The following CDH4 variants were observed in gnomAD, a reference collection of about 807,000 sequenced individuals.
The protein encoded by CDH4 is cadherin-4.
A neutral mutation model predicts 86.0 loss-of-function variants in CDH4; 33 were observed. The ratio of observed to expected loss-of-function variants is 0.38; its 90% CI spans 0.29 to 0.51. The LOEUF (loss-of-function observed/expected upper bound fraction) is 0.51, where lower values mean the gene tolerates loss of function less well. Ranked by LOEUF, CDH4 falls within the 20% of genes least tolerant of loss-of-function variation. CDH4 has a pLI of 0.86. For missense variants in CDH4, 1,114 were observed against 1,307.4 expected, an observed-to-expected ratio of 0.85 and a Z score of 2.28; for synonymous variants, 555 against 549.4, an observed-to-expected ratio of 1.01 and a Z score of -0.14.
rs571337256 is a variant in CDH4, at chr20:61,359,311, C to T, written c.169+104374C>T. Among the ~76,000 whole-genome samples the T allele has an allele frequency of 1.9e-3, 286 of 152,280 alleles. 1 individual carries two copies. The highest frequency in any genetic ancestry group is 6.4e-3 in the African/African-American group (268 of 41,552). ...TACGAGGTCACTCATTTGTCAGCTA[C>T]GCCGACCCCGAATTCTGTGGCCATG... On this transcript the variant is annotated intron_variant, in intron 2 of 15. Transcript: ENST00000614565.
chr20:61,756,131 A>C (rs1044439626), intron 3 of CDH4, among the ~76,000 whole-genome samples: 1 of 152,206 alleles, frequency 6.6e-6, no homozygotes, highest in Non-Finnish European at 1.5e-5. Flanking sequence ...CTAAGAGCAC[A>C]TGGAGGAGGT....
chr20:61,331,637 ACCCACC>A (rs2084577357), intron 2 of CDH4, among the ~76,000 whole-genome samples: 1 of 6,646 alleles, frequency 1.5e-4, no homozygotes, highest in Non-Finnish European at 3.1e-4. Flanking sequence ...CCTGCCCCAG[ACCCACC>A]TCCCGCCCCA....
At chr20:61,675,186 C>A (rs1009970967) in intron 2 of CDH4, among the ~76,000 whole-genome samples, 5 of 152,246 alleles carry the variant, frequency 3.3e-5, no homozygotes, top group Admixed American at 3.3e-4. Context: ...GGGTGGAGGA[C>A]AGCTCAGGGA....
chr20:61,894,628 C>A (rs895424038), intron 7 of CDH4, among the ~76,000 whole-genome samples: 1 of 152,168 alleles, frequency 6.6e-6, no homozygotes, highest in Non-Finnish European at 1.5e-5. Context: ...TGGCACCAAA[C>A]GTGATCTGCC....
At chr20:61,378,614 C>T (rs932188751) in intron 2 of CDH4, among the ~76,000 whole-genome samples, 1 of 152,186 alleles carries the variant, frequency 6.6e-6, no homozygotes, top group African/African-American at 2.4e-5. Context: ...AGGGCCCAAT[C>T]AGATAATCCA....
At chr20:61,696,315 C>T (rs1215117775) in intron 2 of CDH4, among the ~76,000 whole-genome samples, 1 of 152,188 alleles carries the variant, frequency 6.6e-6, no homozygotes, top group Non-Finnish European at 1.5e-5. Context: ...GGCCTGGGGC[C>T]CAGATGTCCA....
rs951321069 is a variant in CDH4, at chr20:61,573,022, A to T, written c.170-170541A>T. 7.5e-5 allele frequency among the ~76,000 whole-genome samples: 10 copies of T among 133,910 alleles called. No individual in the cohort carries two copies. In the East Asian group the frequency reaches 1.0e-3, roughly 14 times the overall value. 87.9% of individuals were successfully genotyped at this position (133,910 alleles called of 152,430 possible). On this transcript the variant is annotated intron_variant, in intron 2 of 15. Coordinates refer to ENST00000614565, the MANE Select transcript of CDH4 (RefSeq NM_001794.5). ...GACGGATGGATGGATTGATGGATGGATGGATGGTTGGATGGATGGATGGAT... is the reference window on the plus strand; with the variant it reads ...GACGGATGGATGGATTGATGGATGGTTGGATGGTTGGATGGATGGATGGAT...
At chr20:61,519,875 C>T (rs1247164999) in intron 2 of CDH4, among the ~76,000 whole-genome samples, 1 of 152,182 alleles carries the variant, frequency 6.6e-6, no homozygotes, top group African/African-American at 2.4e-5. Flanking sequence ...CTAGAAGGGC[C>T]TCGTCATGCC....
At chr20:61,674,314 C>T (rs374034544) in intron 2 of CDH4, among the ~76,000 whole-genome samples, 28 of 152,306 alleles carry the variant, frequency 1.8e-4, no homozygotes, top group Non-Finnish European at 3.2e-4. Flanking sequence ...GCAGGAGTCA[C>T]AGCATGTTGT....
At chr20:61,887,776 C>T (rs1984613234) in intron 7 of CDH4, among the ~76,000 whole-genome samples, 1 of 152,188 alleles carries the variant, frequency 6.6e-6, no homozygotes, top group Non-Finnish European at 1.5e-5. Flanking sequence ...TTCCTGCCGG[C>T]CCGTGTCAGT....
chr20:61,699,254 G>A lies in CDH4; in HGVS notation c.170-44309G>A, dbSNP rs534545958. ...TCACGGTGGCTGTAAATGCATTTGGGGGGATGCTGGCCAGCATGCGGCCTG... is the reference window on the plus strand; with the variant it reads ...TCACGGTGGCTGTAAATGCATTTGGAGGGATGCTGGCCAGCATGCGGCCTG... On this transcript the variant is annotated intron_variant, in intron 2 of 15. Transcript: ENST00000614565. 1.8e-3 allele frequency among the ~76,000 whole-genome samples: 269 copies of A among 152,276 alleles called. 5 individuals are homozygous for A. The highest frequency in any genetic ancestry group is 6.9e-4 in the Non-Finnish European group (47 of 68,018).
At chr20:61,287,956 G>T (rs1017115361) in intron 2 of CDH4, among the ~76,000 whole-genome samples, 4 of 152,184 alleles carry the variant, frequency 2.6e-5, no homozygotes, top group Non-Finnish European at 5.9e-5. Flanking sequence ...GCACCCCAGA[G>T]TGTGGTGGAA....
chr20:61,324,394 T>G (rs2084525990), intron 2 of CDH4, among the ~76,000 whole-genome samples: 1 of 152,234 alleles, frequency 6.6e-6, no homozygotes. Flanking sequence ...AGAACTCTGA[T>G]GTCAAAGTGT....
intron 2 of CDH4, among the ~76,000 whole-genome samples, chr20:61,401,210 A>G (rs1181788729): frequency 6.6e-6 from 1 of 152,176 alleles, no homozygotes; most frequent in Non-Finnish European, 1.5e-5. Flanking sequence ...CTTCCCATGC[A>G]ACCTGTACTT....
intron 8 of CDH4, among the ~76,000 whole-genome samples, chr20:61,908,575 G>C (rs941502165): frequency 6.6e-6 from 1 of 152,234 alleles, no homozygotes; most frequent in African/African-American, 2.4e-5. Flanking sequence ...GGACCTGCCT[G>C]TGGCAGACGC....
At chr20:61,730,142 C>T (rs2088161201) in intron 2 of CDH4, among the ~76,000 whole-genome samples, 1 of 152,100 alleles carries the variant, frequency 6.6e-6, no homozygotes. Context: ...AATAACATGT[C>T]AGTACCGACG....
At chr20:61,375,862 A>G (rs1224423970) in intron 2 of CDH4, among the ~76,000 whole-genome samples, 19 of 79,098 alleles carry the variant, frequency 2.4e-4, no homozygotes, top group African/African-American at 2.5e-4. Flanking sequence ...TGGTAGTGTG[A>G]TGCTCTTGGT....
chr20:61,490,440 C>A (rs575505746), intron 2 of CDH4, among the ~76,000 whole-genome samples: 1 of 152,282 alleles, frequency 6.6e-6, no homozygotes, highest in East Asian at 1.9e-4. Context: ...GTGGCTCATG[C>A]CTGTAATGCC....
chr20:61,843,731 G>A (rs866526525), intron 4 of CDH4, among the ~76,000 whole-genome samples: 84 of 152,156 alleles, frequency 5.5e-4, no homozygotes, highest in African/African-American at 2.0e-3. Context: ...TTGTTTTGGG[G>A]GTATTTTTGG....
Sources: gnomAD v4.1 joint callset for allele counts (sites outside exome capture counted in the v4.1 genomes callset) on GRCh38, gnomAD v4.1.1 for gene constraint, MANE v1.5 for transcripts, NCBI Gene and HGNC (gene_info 2026-07-23, HGNC 2026-07-21) for gene names.